The following NDUFA10 variants were observed in gnomAD, a reference collection of about 807,000 sequenced individuals.
NDUFA10 encodes NADH dehydrogenase [ubiquinone] 1 alpha subcomplex subunit 10, mitochondrial.
NDUFA10 carries 40 observed loss-of-function variants against 47.8 expected under a neutral mutation model. The observed-to-expected ratio is 0.84, with a 90% CI of 0.65 to 1.09. The LOEUF (loss-of-function observed/expected upper bound fraction) is 1.09, where lower values mean the gene tolerates loss of function less well. NDUFA10 is among the 50% of genes least tolerant of loss of function. The pLI is 0.00. For missense variants in NDUFA10, 413 were observed against 451.1 expected (o/e 0.92, Z 0.76); for synonymous variants, 183 against 172.2 (o/e 1.06, Z -0.49).
At chr2:239,997,829 A>G (rs146865529) in intron 8 of NDUFA10, among the ~76,000 whole-genome samples, 1 of 152,322 alleles carries the variant, frequency 6.6e-6, no homozygotes, top group African/African-American at 2.4e-5. Flanking sequence ...TTTCCTTCCA[A>G]TCCTTTAAAA....
chr2:239,935,418 A>C (rs1395133469), intron 4 of NDUFA10, among the ~76,000 whole-genome samples: 1 of 152,228 alleles, frequency 6.6e-6, no homozygotes, highest in African/African-American at 2.4e-5. Context: ...GCAGGCCGAC[A>C]GGGCCGTGTG....
chr2:239,965,106 CA>C (rs1301250254), intron 9 of NDUFA10, among the ~76,000 whole-genome samples: 2 of 152,138 alleles, frequency 1.3e-5, no homozygotes, highest in Non-Finnish European at 2.9e-5. Flanking sequence ...TTCATCTTTG[CA>C]AATAGAATTT....
chr2:239,966,775 G>C (rs1235059329), intron 9 of NDUFA10, among the ~76,000 whole-genome samples: 1 of 152,142 alleles, frequency 6.6e-6, no homozygotes, highest in Non-Finnish European at 1.5e-5. Context: ...CCTGAGGGAG[G>C]GGCCCTGGGC....
At chr2:239,978,661 G>A (rs955755639) in intron 9 of NDUFA10, among the ~76,000 whole-genome samples, 4 of 152,190 alleles carry the variant, frequency 2.6e-5, no homozygotes, top group Admixed American at 6.5e-5. Flanking sequence ...TCCCAGCAGC[G>A]ACGCCAGTTG....
chr2:239,943,114 G>C (rs1442993248), intron 4 of NDUFA10: 1 of 154,382 alleles, frequency 6.5e-6, no homozygotes, highest in Non-Finnish European at 1.5e-5. Flanking sequence ...CGCATCCCTG[G>C]AGCCTCCACT....
chr2:240,018,548 C>T lies in NDUFA10; in HGVS notation c.547+5G>A, dbSNP rs1181126873. The T allele has an allele frequency of 1.2e-6, 2 of 1,614,122 alleles. No individual in the cohort carries two copies. Among genetic ancestry groups the T allele is most frequent in the African/African-American group, 1.3e-5 (1 of 74,940 alleles). On this transcript the variant is annotated splice_donor_5th_base_variant and intron_variant, in intron 4 of 9. Coordinates refer to ENST00000252711, the MANE Select transcript of NDUFA10 (RefSeq NM_004544.4). ...CCCAGAAGTGGGTCTGCAATGCTGA[C>T]TCACACTGCTTTCGGATGAATCCCT...
chr2:239,938,818 C>T (rs900109682), intron 4 of NDUFA10, among the ~76,000 whole-genome samples: 3 of 152,194 alleles, frequency 2.0e-5, no homozygotes, highest in Admixed American at 6.5e-5. Context: ...GACGGCGCAG[C>T]GAATGCACCA....
At chr2:239,950,340 C>A (rs1157138171) in intron 4 of NDUFA10, among the ~76,000 whole-genome samples, 2 of 152,326 alleles carry the variant, frequency 1.3e-5, no homozygotes, top group East Asian at 3.9e-4. Context: ...CTCCTGTGGG[C>A]ATGCCTTGGC....
At chr2:239,922,764 C>T (rs1330787483) in intron 4 of NDUFA10, among the ~76,000 whole-genome samples, 9 of 152,174 alleles carry the variant, frequency 5.9e-5, no homozygotes, top group Non-Finnish European at 1.2e-4. Context: ...TGGGTTTCCA[C>T]CCCAGGTGTC....
rs572638926 is a variant in NDUFA10 at position 239,962,098 on chromosome 2, C to G, written c.1000-912G>C. On this transcript the variant is annotated intron_variant, in intron 9 of 9. Transcript: ENST00000252711. ...GTTGCTCCGCAGGACCACCTCGTTG[C>G]GGAGCCAGGAGAAAGCGCTCAGCAC... Among the ~76,000 whole-genome samples the G allele has an allele frequency of 2.8e-4, 43 of 152,240 alleles. No homozygotes were observed. In the South Asian group the frequency reaches 8.9e-3, roughly 32 times the overall value.
chr2:240,018,760 AATACTG>A, intron 3 of NDUFA10, 121 bp from the exon 4 acceptor site: 1 of 1,105,846 alleles, frequency 9.0e-7, no homozygotes. Context: ...TCCACACCAA[AATACTG>A]AAAAGAACAT....
chr2:239,911,133 C>T (rs1314875262), intron 4 of NDUFA10, among the ~76,000 whole-genome samples: 2 of 151,590 alleles, frequency 1.3e-5, no homozygotes, highest in South Asian at 2.1e-4. Context: ...ACTCAAGTCC[C>T]CTTGGAATGG....
intron 4 of NDUFA10, among the ~76,000 whole-genome samples, chr2:239,918,396 C>T (rs1024539852): frequency 3.9e-5 from 6 of 152,118 alleles, no homozygotes; most frequent in Admixed American, 2.6e-4. Flanking sequence ...CCGAGGCCTC[C>T]TCAGGTGCCC....
At chr2:240,010,671 A>C (rs1290122764) in intron 6 of NDUFA10, among the ~76,000 whole-genome samples, 1 of 152,096 alleles carries the variant, frequency 6.6e-6, no homozygotes, top group African/African-American at 2.4e-5. Flanking sequence ...CAGAGATGAC[A>C]TAAACGTTAA....
chr2:240,023,798 G>T (rs113704150), intron 1 of NDUFA10, among the ~76,000 whole-genome samples: 13 of 152,262 alleles, frequency 8.5e-5, no homozygotes, highest in African/African-American at 2.9e-4. Flanking sequence ...ACAAAACAAG[G>T]CAAAGCAGAC....
At chr2:239,893,201 G>C (rs1693326169) in intron 5 of NDUFA10, among the ~76,000 whole-genome samples, 1 of 152,194 alleles carries the variant, frequency 6.6e-6, no homozygotes, top group African/African-American at 2.4e-5. Context: ...GGCTCAATCA[G>C]GCCAGCTGCA....
intron 9 of NDUFA10, among the ~76,000 whole-genome samples, chr2:239,968,586 T>C (rs1447741281): frequency 1.3e-5 from 2 of 152,162 alleles, no homozygotes; most frequent in Non-Finnish European, 2.9e-5. Flanking sequence ...TGGTTGCATC[T>C]GACTCTGGGC....
intron 6 of NDUFA10, among the ~76,000 whole-genome samples, chr2:240,010,696 A>C (rs1325732646): frequency 6.6e-6 from 1 of 152,042 alleles, no homozygotes; most frequent in Non-Finnish European, 1.5e-5. Context: ...TACGGTACAG[A>C]AAAAACTCCC....
rs114699609 is a variant in NDUFA10 at position 239,948,724 on chromosome 2, T to C, written c.294+41350A>G. Among the ~76,000 whole-genome samples, 701 of 152,308 alleles carry C rather than the reference T, an allele frequency of 4.6e-3. 5 individuals are homozygous for C. The highest frequency in any genetic ancestry group is 0.016 in the African/African-American group (671 of 41,566). ...CTGACGACGCAACTCAGTATGTCCC[T>C]TCATCTTCCACAAATCCAGGCCTCC... On this transcript the variant is annotated intron_variant, in intron 4 of 5. Transcript: ENST00000419408.
Sources: gnomAD v4.1 joint callset for allele counts (sites outside exome capture counted in the v4.1 genomes callset) on GRCh38, gnomAD v4.1.1 for gene constraint, MANE v1.5 for transcripts, NCBI Gene and HGNC (gene_info 2026-07-23, HGNC 2026-07-21) for gene names.